Variants in RARS1 observed in about 807,000 individuals in gnomAD.
RARS1 encodes arginyl-tRNA synthetase 1.
In RARS1, 75 loss-of-function variants were observed where a neutral mutation model predicts 78.7. The observed-to-expected ratio is 0.95, with a 90% CI of 0.79 to 1.15. RARS1 has a LOEUF of 1.15. Ranked by LOEUF, RARS1 falls within the 50% of genes most tolerant of loss-of-function variation. RARS1 has a pLI of 0.00. For missense variants in RARS1, 787 were observed against 787.5 expected (o/e 1.00, Z 0.01); for synonymous variants, 273 against 268.2 (o/e 1.02, Z -0.18).
At chr5:168,501,967 AT>A in intron 8 of RARS1, 33 bp from the exon 9 acceptor site, 1 of 1,571,852 alleles carries the variant, frequency 6.4e-7, no homozygotes, top group Non-Finnish European at 8.6e-7. Flanking sequence ...ATTCTTATGC[AT>A]TTTATTTGGT....
chr5:168,494,772 A>G (rs1758149452), intron 5 of RARS1, 122 bp downstream of exon 5: 1 of 717,966 alleles, frequency 1.4e-6, no homozygotes, highest in Non-Finnish European at 2.3e-6. Flanking sequence ...GCTTGAGCCT[A>G]GAAGTTCAAG....
chr5:168,502,130 T>C, intron 9 of RARS1, 25 bp downstream of exon 9: 1 of 1,573,274 alleles, frequency 6.4e-7, no homozygotes, highest in Non-Finnish European at 8.6e-7. Context: ...TTTAACTTTT[T>C]ATTATGGAAA....
chr5:168,516,644 G>A (rs1229535831), intron 12 of RARS1, 134 bp from the exon 13 acceptor site: 3 of 783,058 alleles, frequency 3.8e-6, no homozygotes, highest in Non-Finnish European at 6.1e-6. Flanking sequence ...TTCTGCCTCA[G>A]TGTCAGTGTT....
At chr5:168,502,435 T>C (rs1404171396) in intron 9 of RARS1, among the ~76,000 whole-genome samples, 1 of 148,136 alleles carries the variant, frequency 6.8e-6, no homozygotes, top group Non-Finnish European at 1.5e-5. Context: ...GGTGTGGAAC[T>C]CCTGGCCTCA....
intron 6 of RARS1, among the ~76,000 whole-genome samples, chr5:168,496,369 ACT>A (rs1191019446): frequency 2.0e-4 from 22 of 111,744 alleles, no homozygotes; most frequent in African/African-American, 2.9e-4. Context: ...ACAGAGCAAG[ACT>A]CTCTGTCAAA....
intron 9 of RARS1, among the ~76,000 whole-genome samples, chr5:168,502,322 TTC>T (rs1758343497): frequency 6.7e-6 from 1 of 149,776 alleles, no homozygotes; most frequent in African/African-American, 2.4e-5. Flanking sequence ...GAACAGGACC[TTC>T]TTTCTGCCCT....
Position 168,505,994 on chromosome 5 carries a change from ATTAATGAAGTGTTTTTTACCCC to A in RARS1, c.1058-26_1058-5del. On this transcript the variant is annotated splice_region_variant and splice_polypyrimidine_tract_variant and intron_variant, in intron 9 of 14. Transcript: ENST00000231572. The stretch of plus-strand genomic sequence containing the variant: ...TTTCCTTCAGGGTTCTTTTAACTTT[ATTAATGAAGTGTTTTTTACCCC>A]CTAGGATTTGTGCAGGTGGATGATG... 1 of 1,568,182 alleles carries A rather than the reference ATTAATGAAGTGTTTTTTACCCC, an allele frequency of 6.4e-7. No individual in the cohort carries two copies.
At chr5:168,489,096 G>A (rs1409932208) in intron 2 of RARS1, among the ~76,000 whole-genome samples, 1 of 152,138 alleles carries the variant, frequency 6.6e-6, no homozygotes, top group African/African-American at 2.4e-5. Context: ...TCACGGCTCA[G>A]TACAGCCTCA....
intron 2 of RARS1, among the ~76,000 whole-genome samples, chr5:168,490,888 G>C (rs1758068037): frequency 6.6e-6 from 1 of 152,162 alleles, no homozygotes; most frequent in Non-Finnish European, 1.5e-5. Flanking sequence ...TGTAATCTCA[G>C]CTGTTTGGGA....
At chr5:168,495,252 A>C (rs978722519) in intron 5 of RARS1, 63 bp from the exon 6 acceptor site, 14 of 1,550,816 alleles carry the variant, frequency 9.0e-6, no homozygotes, top group Non-Finnish European at 1.1e-5. Context: ...TCCTCTTAAA[A>C]AAATCTTTCT....
Position 168,516,791 on chromosome 5 carries a change from A to C in RARS1, c.1466A>C (p.Glu489Ala). 1.2e-6 allele frequency: 2 copies of C among 1,614,178 alleles called. No individual in the cohort carries two copies. The highest frequency in any genetic ancestry group is 1.7e-6 in the Non-Finnish European group (2 of 1,180,032). ...TTTTTCCCAAAGGTCTTAACTGCAGAGGAATTGAATGCTGCTCAGACATCC... is the reference window on the plus strand; with the variant it reads ...TTTTTCCCAAAGGTCTTAACTGCAGCGGAATTGAATGCTGCTCAGACATCC... ...EKERDKVLTA[E>A]ELNAAQTSVA... The change falls in exon 13 of 15, where the codon GAG (glutamate) becomes GCG (alanine). Residue 489 changes from glutamate to alanine, a missense_variant. Transcript: ENST00000231572.
chr5:168,516,997 A>T, intron 13 of RARS1, 47 bp downstream of exon 13: 1 of 1,534,372 alleles, frequency 6.5e-7, no homozygotes. Flanking sequence ...ATGAAAGCAT[A>T]TTTAGTTACT....
At position 168,519,012 on chromosome 5, in the gene RARS1, A is replaced by G. The variant is rs1002495660; in HGVS notation, c.1874-69A>G. 5.1e-6 allele frequency: 7 copies of G among 1,382,132 alleles called. No homozygotes were observed. In the South Asian group the frequency reaches 7.6e-5, roughly 15 times the overall value. The allele number at this position is 1,382,132 out of a possible 1,614,324, so 85.6% of individuals were successfully genotyped here. A position where few individuals can be genotyped will look rare whatever the true frequency, so the allele number is the denominator to read the frequency against. ...CTTCTAACTAAAATTTGCAAGTAAC[A>G]TAGATTCTTTAATAATGATTTTCAA... On this transcript the variant is annotated intron_variant, in intron 14 of 14. Coordinates refer to ENST00000231572, the MANE Select transcript of RARS1 (RefSeq NM_002887.4).
intron 5 of RARS1, 66 bp from the exon 6 acceptor site, chr5:168,495,248 TA>T: frequency 1.9e-6 from 3 of 1,540,232 alleles, no homozygotes; most frequent in East Asian, 4.6e-5. Context: ...ATGCTCCTCT[TA>T]AAAAAATCTT....
At chr5:168,496,164 G>A (rs562592351) in intron 6 of RARS1, among the ~76,000 whole-genome samples, 2 of 151,962 alleles carry the variant, frequency 1.3e-5, no homozygotes, top group Non-Finnish European at 2.9e-5. Context: ...GATGGATCAC[G>A]AGGTCAGGAG....
intron 4 of RARS1, chr5:168,494,229 T>A: frequency 1.0e-6 from 1 of 984,618 alleles, no homozygotes; most frequent in Non-Finnish European, 1.2e-6. Flanking sequence ...TGATTCAGTT[T>A]TTCATCAGCA....
intron 9 of RARS1, among the ~76,000 whole-genome samples, chr5:168,505,714 G>GAA (rs60743864): frequency 3.1e-4 from 35 of 114,248 alleles, no homozygotes; most frequent in Non-Finnish European, 5.3e-4. Flanking sequence ...TATCAAAAAA[G>GAA]AAAAAAAAAA....
intron 2 of RARS1, 49 bp downstream of exon 2, chr5:168,488,785 C>A: frequency 7.9e-6 from 12 of 1,521,412 alleles, no homozygotes; most frequent in Non-Finnish European, 1.1e-5. Context: ...ATCATTATAG[C>A]TTTTTTAAAG....
chr5:168,490,681 T>G (rs1338411763), intron 2 of RARS1, among the ~76,000 whole-genome samples: 1 of 152,196 alleles, frequency 6.6e-6, no homozygotes, highest in Non-Finnish European at 1.5e-5. Flanking sequence ...GGCCACATGC[T>G]CTGACTTGAA....
Sources: gnomAD v4.1 joint callset for allele counts (sites outside exome capture counted in the v4.1 genomes callset) on GRCh38, gnomAD v4.1.1 for gene constraint, MANE v1.5 for transcripts, NCBI Gene and HGNC (gene_info 2026-07-23, HGNC 2026-07-21) for gene names.